THOC1: variants seen among roughly 807,000 people sequenced by gnomAD.
THOC1 encodes the protein THO complex 1.
Under a neutral mutation model 97.3 loss-of-function variants are expected in THOC1, and 29 were observed. That is an observed-to-expected ratio of 0.30 (90% CI 0.22 to 0.41). THOC1 has a LOEUF of 0.41. THOC1 is among the 10% of genes least tolerant of loss of function. THOC1 has a pLI of 1.00. For synonymous variants in THOC1, 255 were observed against 257.0 expected (o/e 0.99, Z 0.07); for missense variants, 529 against 761.9 (o/e 0.69, Z 3.60).
At chr18:265,267 G>T in intron 3 of THOC1, 36 bp downstream of exon 3, 2 of 1,499,994 alleles carry the variant, frequency 1.3e-6, no homozygotes, top group Non-Finnish European at 1.8e-6. Flanking sequence ...TTATTAATTT[G>T]TCAGTAAAAT....
chr18:244,161 C>T (rs983987878), intron 11 of THOC1: 1 of 152,018 alleles, frequency 6.6e-6, no homozygotes, highest in Non-Finnish European at 1.5e-5. Flanking sequence ...CTGCTTTCCC[C>T]TTCCATATTA....
At chr18:223,361 T>C in intron 17 of THOC1, 79 bp downstream of exon 17, 2 of 1,148,926 alleles carry the variant, frequency 1.7e-6, no homozygotes, top group Non-Finnish European at 2.4e-6. Flanking sequence ...ATTTGAGCTC[T>C]GATCATAGCT....
intron 8 of THOC1, among the ~76,000 whole-genome samples, chr18:252,821 A>G (rs1387197743): frequency 6.6e-6 from 1 of 152,222 alleles, no homozygotes; most frequent in Non-Finnish European, 1.5e-5. Context: ...TGACAATGAT[A>G]TAACACAGTC....
Position 247,568 on chromosome 18 carries a change from T to C in THOC1, c.786+281A>G, listed in dbSNP as rs139471389. Among the ~76,000 whole-genome samples, 154 of 152,356 alleles carry C rather than the reference T, an allele frequency of 1.0e-3. 1 individual carries two copies. The highest frequency in any genetic ancestry group is 3.7e-3 in the African/African-American group (152 of 41,588). On this transcript the variant is annotated intron_variant, in intron 10 of 20. Transcript: ENST00000261600. ...TAGCTAAAATAATTTTGTACAAAGA[T>C]AGAATATATTCTGCAAAATATCAAT...
At chr18:249,668 G>GAA (rs11399503) in intron 9 of THOC1, among the ~76,000 whole-genome samples, 21,127 of 120,934 alleles carry the variant, frequency 0.17, 1,730 homozygotes, top group African/African-American at 0.25. Flanking sequence ...TCTCAAAAAA[G>GAA]AAAAAAAAAA....
At chr18:267,937 A>T (rs1912833892) in intron 1 of THOC1, 29 bp downstream of exon 1, 1 of 1,594,906 alleles carries the variant, frequency 6.3e-7, no homozygotes, top group African/African-American at 1.3e-5. Context: ...GCGCCGGGTC[A>T]GGCCTGCACC....
rs943068201 is a variant in THOC1, at chr18:266,600, T to G, written c.55-1070A>C. ...GTTGCCCAGGTGTTGTGCACTGGCA[T>G]GATCTTGGCTCACTGCAACCTCCGC... On this transcript the variant is annotated intron_variant, in intron 1 of 20. Transcript: ENST00000261600. 1.2e-4 allele frequency among the ~76,000 whole-genome samples: 18 copies of G among 150,216 alleles called. 1 individual carries two copies. The highest frequency in any genetic ancestry group is 1.1e-3 in the Admixed American group (17 of 14,858).
At chr18:243,480 G>C (rs775519041) in intron 11 of THOC1, among the ~76,000 whole-genome samples, 23 of 152,016 alleles carry the variant, frequency 1.5e-4, no homozygotes, top group Non-Finnish European at 2.4e-4. Flanking sequence ...AGAGGTTGCA[G>C]TGAGCCAAGA....
chr18:258,362 GA>G (rs1358272335), intron 7 of THOC1, among the ~76,000 whole-genome samples: 1 of 151,992 alleles, frequency 6.6e-6, no homozygotes, highest in East Asian at 1.9e-4. Flanking sequence ...CTGCACTGAA[GA>G]AAAGTCTAAA....
chr18:231,169 G>A (rs1415139510), intron 11 of THOC1, among the ~76,000 whole-genome samples: 1 of 152,118 alleles, frequency 6.6e-6, no homozygotes, highest in Non-Finnish European at 1.5e-5. Flanking sequence ...GGCTGAACTT[G>A]AACTCCTAGG....
intron 4 of THOC1, 161 bp from the exon 5 acceptor site, chr18:260,465 G>T (rs1912569814): frequency 2.1e-6 from 1 of 465,264 alleles, no homozygotes; most frequent in Non-Finnish European, 3.8e-6. Flanking sequence ...TCCCCAAATA[G>T]GACATACTTA....
chr18:247,543 T>A (rs1912134639), intron 10 of THOC1, among the ~76,000 whole-genome samples: 1 of 152,238 alleles, frequency 6.6e-6, no homozygotes, highest in Non-Finnish European at 1.5e-5. Flanking sequence ...TTCAACAAGA[T>A]AGCTAAAATA....
In THOC1 at chr18:216,727, TA is replaced by T. The variant is rs906398904; in HGVS notation, c.1455-95del. ...GCCATGTGTAATTCTGTATTTAAGG[TA>T]AATAGCTCAAAGTGCCATTCTTTGT... On this transcript the variant is annotated intron_variant, in intron 18 of 20. Transcript: ENST00000261600. The T allele has an allele frequency of 3.5e-5, 49 of 1,407,064 alleles. No individual in the cohort carries two copies. The African/African-American group carries it at 6.8e-4, about 19-fold the overall frequency. 87.2% of individuals were successfully genotyped at this position (1,407,064 alleles called of 1,614,324 possible).
At chr18:223,577 A>G in intron 16 of THOC1, 72 bp from the exon 17 acceptor site, 1 of 1,182,444 alleles carries the variant, frequency 8.5e-7, no homozygotes, top group Non-Finnish European at 1.2e-6. Context: ...ACTGAACAGA[A>G]AAACAATACA....
At chr18:225,586 G>C in intron 12 of THOC1, 183 bp from the exon 13 acceptor site, 1 of 586,634 alleles carries the variant, frequency 1.7e-6, no homozygotes, top group East Asian at 2.8e-5. Flanking sequence ...TTCCTCAAGA[G>C]GGTTGGTACT....
At chr18:215,615 A>C (rs1007714252) in intron 19 of THOC1, 111 bp from the exon 20 acceptor site, 1 of 788,394 alleles carries the variant, frequency 1.3e-6, no homozygotes, top group Non-Finnish European at 2.1e-6. Flanking sequence ...GGGTGCCAGA[A>C]CCTCACCCCT....
intron 3 of THOC1, 54 bp from the exon 4 acceptor site, chr18:264,146 C>T (rs779855433): frequency 1.4e-5 from 17 of 1,199,890 alleles, no homozygotes; most frequent in Admixed American, 2.0e-5. Context: ...AGACTAAACT[C>T]GATTAACAGT....
chr18:224,025 A>T, intron 16 of THOC1, 59 bp downstream of exon 16: 1 of 1,218,344 alleles, frequency 8.2e-7, no homozygotes, highest in Non-Finnish European at 1.2e-6. Context: ...TTCTTAAAGT[A>T]ACATCTTCAA....
intron 11 of THOC1, among the ~76,000 whole-genome samples, chr18:230,323 C>T (rs1911441606): frequency 6.6e-6 from 1 of 152,168 alleles, no homozygotes; most frequent in South Asian, 2.1e-4. Context: ...ATTTGAAGGA[C>T]CGAAGTACAC....
Sources: gnomAD v4.1 joint callset for allele counts (sites outside exome capture counted in the v4.1 genomes callset) on GRCh38, gnomAD v4.1.1 for gene constraint, MANE v1.5 for transcripts, NCBI Gene and HGNC (gene_info 2026-07-23, HGNC 2026-07-21) for gene names.